MYCBP2: variants seen among roughly 807,000 people sequenced by gnomAD.
The protein encoded by MYCBP2 is E3 ubiquitin-protein ligase MYCBP2.
A neutral mutation model predicts 525.3 loss-of-function variants in MYCBP2; 120 were observed. The observed-to-expected ratio is 0.23, with a 90% CI of 0.20 to 0.27. The LOEUF (loss-of-function observed/expected upper bound fraction) is 0.27. Among genes scored for constraint, MYCBP2 ranks in the 10% least tolerant of loss-of-function variants. MYCBP2 has a pLI of 1.00. For missense variants in MYCBP2, 4,149 were observed against 5,657.1 expected, an observed-to-expected ratio of 0.73 and a Z score of 8.55; for synonymous variants, 1,894 against 1,955.8, an observed-to-expected ratio of 0.97 and a Z score of 0.83.
In MYCBP2 at chr13:77,164,520, CT is replaced by C; in HGVS notation, c.6480del (p.Glu2161AsnfsTer2). ...GPDEGVIQLEKELANLGGVCA... is the reference protein window; with the variant it reads ...GPDEGVIQLEXELANLGGVCA... ...CAAACCCCACCAAGATTGGCTAATT[CT>C]TTTTCCAATTGGATGACTCCCTATG... is the stretch of plus-strand genomic sequence containing the variant. On this transcript the variant is annotated frameshift_variant, in exon 43 of 83. Transcript: ENST00000544440. LOFTEE classifies it high-confidence loss of function. 1 of 1,612,278 alleles carries C rather than the reference CT, an allele frequency of 6.2e-7. No homozygotes were observed.
Position 77,146,155 on chromosome 13 carries a change from T to A in MYCBP2, c.7187+7A>T, listed in dbSNP as rs532835036. On this transcript the variant is annotated splice_region_variant and intron_variant, in intron 48 of 82. Transcript: ENST00000544440. Reference sequence around the variant, plus strand: ...TTTTGGTTATACTTTGAGAAAACGATCCTTACCTCTTAGGAGTTGGTGATG... The same window carrying A: ...TTTTGGTTATACTTTGAGAAAACGAACCTTACCTCTTAGGAGTTGGTGATG... The A allele has an allele frequency of 6.3e-7, 1 of 1,579,212 alleles. No individual in the cohort carries two copies. Among genetic ancestry groups the A allele is most frequent in the Non-Finnish European group, 8.6e-7 (1 of 1,163,844 alleles).
chr13:77,210,079 C>A (rs2063791596), intron 23 of MYCBP2, among the ~76,000 whole-genome samples: 1 of 152,170 alleles, frequency 6.6e-6, no homozygotes. Context: ...AAGTGCTCAG[C>A]CCTGTGATGA....
chr13:77,197,006 G>A (rs1566888830), intron 26 of MYCBP2, among the ~76,000 whole-genome samples: 1 of 152,188 alleles, frequency 6.6e-6, no homozygotes, highest in Non-Finnish European at 1.5e-5. Flanking sequence ...AACAGTCAGT[G>A]GGACAAAAGA....
intron 55 of MYCBP2, among the ~76,000 whole-genome samples, chr13:77,109,417 C>T (rs2048398178): frequency 6.6e-6 from 1 of 152,166 alleles, no homozygotes; most frequent in Non-Finnish European, 1.5e-5. Flanking sequence ...ATGCTCTCCT[C>T]CTGCTGTACA....
chr13:77,201,608 C>G (rs546336515), intron 26 of MYCBP2, among the ~76,000 whole-genome samples: 2 of 150,692 alleles, frequency 1.3e-5, no homozygotes, highest in African/African-American at 4.9e-5. Context: ...CAGCACCACA[C>G]CACACCTATT....
intron 72 of MYCBP2, 39 bp downstream of exon 72, chr13:77,065,953 G>A (rs764044371): frequency 6.7e-7 from 1 of 1,494,742 alleles, no homozygotes; most frequent in Non-Finnish European, 9.3e-7. Flanking sequence ...TCAGCTTCCT[G>A]CCGCACTTCA....
chr13:77,188,708 T>C (rs955644237), intron 30 of MYCBP2, among the ~76,000 whole-genome samples: 2 of 152,242 alleles, frequency 1.3e-5, no homozygotes, highest in African/African-American at 4.8e-5. Context: ...CAAATCGTTA[T>C]TTGTTTCAAA....
chr13:77,066,514 A>T (rs2154078976), intron 71 of MYCBP2, among the ~76,000 whole-genome samples: 1 of 152,336 alleles, frequency 6.6e-6, no homozygotes, highest in East Asian at 1.9e-4. Flanking sequence ...TTATCTGCAT[A>T]TTGTCATGGA....
In MYCBP2 at chr13:77,090,315, G is replaced by A. The variant is rs754192300; in HGVS notation, c.10368-52C>T. The A allele has an allele frequency of 4.8e-6, 7 of 1,461,126 alleles. No individual in the cohort carries two copies. In the Admixed American group the frequency reaches 1.1e-4, roughly 22 times the overall value. 90.5% of individuals were successfully genotyped at this position (1,461,126 alleles called of 1,614,324 possible). ...CAAACTCAGAAGAGCTGAATGAAAT[G>A]TAACTATACTTATAATGATGCAAAA... On this transcript the variant is annotated intron_variant, in intron 59 of 82. Coordinates refer to ENST00000544440, the MANE Select transcript of MYCBP2 (RefSeq NM_015057.5).
At chr13:77,282,862 C>A (rs914250159) in intron 3 of MYCBP2, among the ~76,000 whole-genome samples, 1 of 152,106 alleles carries the variant, frequency 6.6e-6, no homozygotes, top group African/African-American at 2.4e-5. Context: ...CTTTTTCAGT[C>A]GTTATAGCCA....
chr13:77,070,752 G>C (rs766977839), intron 68 of MYCBP2, 41 bp from the exon 69 acceptor site: 1 of 1,303,444 alleles, frequency 7.7e-7, no homozygotes, highest in Non-Finnish European at 1.1e-6. Context: ...GAATGAAGTG[G>C]TCTCTTTAAA....
At chr13:77,214,738 G>A (rs1440144450) in intron 21 of MYCBP2, among the ~76,000 whole-genome samples, 1 of 152,104 alleles carries the variant, frequency 6.6e-6, no homozygotes, top group Non-Finnish European at 1.5e-5. Context: ...GTAGCCTATT[G>A]CTCCTAGGCT....
At chr13:77,066,376 C>A (rs574055360) in intron 71 of MYCBP2, among the ~76,000 whole-genome samples, 1 of 152,292 alleles carries the variant, frequency 6.6e-6, no homozygotes, top group South Asian at 2.1e-4. Flanking sequence ...AGGGCACATG[C>A]GGATAATGTG....
chr13:77,062,300 T>C (rs2039435958), intron 74 of MYCBP2, among the ~76,000 whole-genome samples: 1 of 152,240 alleles, frequency 6.6e-6, no homozygotes, highest in South Asian at 2.1e-4. Context: ...AAATATCTAG[T>C]CACTAAATCA....
chr13:77,281,201 C>T (rs61681230), intron 3 of MYCBP2, among the ~76,000 whole-genome samples: 5,178 of 152,052 alleles, frequency 0.034, 296 homozygotes, highest in African/African-American at 0.12. Context: ...TATAGTCCTG[C>T]CAATATAGTA....
At chr13:77,070,327 C>T (rs926577277) in intron 69 of MYCBP2, among the ~76,000 whole-genome samples, 5 of 152,138 alleles carry the variant, frequency 3.3e-5, no homozygotes, top group African/African-American at 7.2e-5. Context: ...AACCTGCAGC[C>T]GGGGGACTGC....
At chr13:77,097,101 A>G (rs556084387) in intron 56 of MYCBP2, among the ~76,000 whole-genome samples, 34 of 152,322 alleles carry the variant, frequency 2.2e-4, no homozygotes, top group Middle Eastern at 3.4e-3. Context: ...TGAGACAGAC[A>G]CATTAATGGC....
intron 55 of MYCBP2, chr13:77,118,263 CTAAT>C (rs878960987): frequency 1.6e-6 from 1 of 628,014 alleles, no homozygotes; most frequent in Non-Finnish European, 2.8e-6. Context: ...GAGTTGATAA[CTAAT>C]TAGTAACTGA....
intron 3 of MYCBP2, among the ~76,000 whole-genome samples, chr13:77,286,501 C>T (rs2076776516): frequency 1.3e-5 from 2 of 151,186 alleles, no homozygotes; most frequent in African/African-American, 4.9e-5. Context: ...CGCCTGTAAT[C>T]CCAGCACGTT....
Sources: allele counts gnomAD v4.1 joint callset (sites outside exome capture counted in the v4.1 genomes callset), GRCh38; gene constraint gnomAD v4.1.1; transcripts MANE v1.5; gene names NCBI Gene and HGNC (gene_info 2026-07-23, HGNC 2026-07-21).